ART3: variants seen among roughly 807,000 people sequenced by gnomAD.
ART3 encodes the protein ADP-ribosyltransferase 3 (inactive).
A neutral mutation model predicts 48.5 loss-of-function variants in ART3; 49 were observed. The observed-to-expected ratio is 1.01, with a 90% confidence interval of 0.80 to 1.28. The LOEUF is 1.28. ART3 is among the 50% of genes most tolerant of loss of function. The probability of loss-of-function intolerance (pLI) is 0.00; values close to 1 mark genes in which losing one functional copy is unlikely to be tolerated. For synonymous variants in ART3, 145 were observed against 157.2 expected (o/e 0.92, Z 0.58); for missense variants, 438 against 454.3 (o/e 0.96, Z 0.33).
intron 1 of ART3, among the ~76,000 whole-genome samples, chr4:76,013,434 T>TAC (rs749974415): frequency 5.8e-4 from 88 of 151,420 alleles, no homozygotes; most frequent in African/African-American, 1.2e-3. Flanking sequence ...GATTTATATA[T>TAC]ACACACACAC....
chr4:76,037,641 G>C (rs1188883752), intron 1 of ART3, among the ~76,000 whole-genome samples: 1 of 151,826 alleles, frequency 6.6e-6, no homozygotes, highest in African/African-American at 2.4e-5. Context: ...CCTTCCTTAA[G>C]TAATTTGAAA....
intron 2 of ART3, among the ~76,000 whole-genome samples, chr4:76,080,953 T>G (rs1722326002): frequency 6.6e-6 from 1 of 152,206 alleles, no homozygotes; most frequent in African/African-American, 2.4e-5. Context: ...CCACCCTGCT[T>G]CTTATGTTAT....
At chr4:76,071,740 A>G (rs1254193195), upstream of ART3, among the ~76,000 whole-genome samples, 1 of 152,108 alleles carries the variant, frequency 6.6e-6, no homozygotes, top group South Asian at 2.1e-4. Context: ...TTTTCCACAC[A>G]CGGTCTTCTC....
intron 6 of ART3, 137 bp from the exon 7 acceptor site, chr4:76,100,658 C>T: frequency 3.2e-6 from 3 of 933,914 alleles, no homozygotes; most frequent in Non-Finnish European, 4.9e-6. Context: ...ATTCTGGGGG[C>T]TTGCATTTTG....
At chr4:76,014,788 C>T (rs932366696) in intron 1 of ART3, among the ~76,000 whole-genome samples, 2 of 152,120 alleles carry the variant, frequency 1.3e-5, no homozygotes, top group South Asian at 4.1e-4. Flanking sequence ...GACAGAGAAT[C>T]TTGAAAGCAA....
upstream of ART3, among the ~76,000 whole-genome samples, chr4:76,070,318 A>G (rs1387633701): frequency 6.6e-6 from 1 of 152,260 alleles, no homozygotes; most frequent in Non-Finnish European, 1.5e-5. Flanking sequence ...GTAATGTATG[A>G]AAGTTTCAGT....
At chr4:76,054,894 T>C (rs78895754) in intron 1 of ART3, among the ~76,000 whole-genome samples, 7,757 of 152,330 alleles carry the variant, frequency 0.051, 240 homozygotes, top group South Asian at 0.14. Context: ...TGCTGAATGC[T>C]ATTTTCCTTG....
intron 8 of ART3, among the ~76,000 whole-genome samples, chr4:76,101,802 T>C (rs1727383713): frequency 6.6e-6 from 1 of 152,162 alleles, no homozygotes. Flanking sequence ...ACAGGAACAG[T>C]CTCATAAATT....
chr4:76,101,016 C>T lies in ART3; in HGVS notation c.934C>T (p.His312Tyr). 1 of 1,613,560 alleles carries T rather than the reference C, an allele frequency of 6.2e-7. No homozygotes were observed. The highest frequency in any genetic ancestry group is 1.3e-5 in the African/African-American group (1 of 74,962). ...TGAGAAAAACCAGAAGCTTGAAGAC[C>T]ATGGTAAGACATTTATGTAAATTCT... ...HGEKNQKLED[H>Y]GVKILEPTQI... Residue 312 changes from histidine to tyrosine, a missense_variant, in exon 8 of 12, where the codon CAT (histidine) becomes TAT (tyrosine). Physicochemically the swap from His to Tyr is moderately conservative, Grantham distance 83. This residue lies in a region of ART3 where 227 missense variants were observed against 229.6 expected (regional missense o/e 0.99). Coordinates refer to ENST00000355810, the MANE Select transcript of ART3 (RefSeq NM_001130016.3).
intron 3 of ART3, among the ~76,000 whole-genome samples, chr4:76,095,832 T>C (rs371946359): frequency 3.9e-5 from 6 of 152,312 alleles, no homozygotes; most frequent in African/African-American, 1.4e-4. Context: ...CATCTGTAGC[T>C]TTCTTATCCA....
At chr4:76,047,324 T>C (rs2149443538) in intron 1 of ART3, among the ~76,000 whole-genome samples, 1 of 152,076 alleles carries the variant, frequency 6.6e-6, no homozygotes, top group African/African-American at 2.4e-5. Context: ...CTGTTCCTCT[T>C]GGTCCCTATT....
intron 10 of ART3, 39 bp from the exon 11 acceptor site, chr4:76,107,722 T>C: frequency 7.7e-7 from 1 of 1,297,840 alleles, no homozygotes; most frequent in Middle Eastern, 1.9e-4. Context: ...GATAAACAGA[T>C]ATACAATATA....
chr4:76,034,257 A>AC (rs1373954938), intron 1 of ART3: 1 of 394,966 alleles, frequency 2.5e-6, no homozygotes, highest in Admixed American at 4.4e-5. Flanking sequence ...GGAATGTTTT[A>AC]CGACACATAG....
chr4:76,022,830 A>G, intron 1 of ART3: 1 of 1,604,512 alleles, frequency 6.2e-7, no homozygotes, highest in Non-Finnish European at 8.5e-7. Flanking sequence ...GTAGGAAAAG[A>G]GGAACAGCAG....
At chr4:76,060,747 A>G (rs185681556) in intron 1 of ART3, among the ~76,000 whole-genome samples, 6 of 152,354 alleles carry the variant, frequency 3.9e-5, no homozygotes, top group African/African-American at 1.2e-4. Context: ...GTATTTGATT[A>G]TGAGAGATTC....
chr4:76,070,267 A>G (rs1054961568), upstream of ART3, among the ~76,000 whole-genome samples: 4 of 152,152 alleles, frequency 2.6e-5, no homozygotes, highest in African/African-American at 9.7e-5. Flanking sequence ...AAAACTGCCA[A>G]ATTGTTTAAA....
Position 76,100,326 on chromosome 4 carries a change from A to G in ART3, c.877+6A>G. 1.2e-6 allele frequency: 2 copies of G among 1,612,500 alleles called. No individual in the cohort carries two copies. The highest frequency in any genetic ancestry group is 2.2e-5 in the South Asian group (2 of 91,048). ...CCAGAAGCTTGAAGACCATAGTAAG[A>G]CATTTTTATAAATTCTGGGGGCTTG... On this transcript the variant is annotated splice_donor_region_variant and intron_variant, in intron 6 of 11. Coordinates refer to ENST00000355810, the MANE Select transcript of ART3 (RefSeq NM_001130016.3).
Position 76,034,941 on chromosome 4 carries a change from C to T in ART3, c.-10+23621C>T, listed in dbSNP as rs529700610. 2.0e-4 allele frequency: 276 copies of T among 1,362,326 alleles called. 3 individuals carry two copies. The South Asian group carries it at 3.3e-3, about 16-fold the overall frequency. 84.4% of individuals were successfully genotyped at this position (1,362,326 alleles called of 1,614,324 possible). On this transcript the variant is annotated intron_variant, in intron 1 of 9. Transcript: ENST00000341029. ...GGACCCCTTAACAGAATATTTCACA[C>T]AGGATCATAGCAGAATCTTTCTGTA... is the stretch of plus-strand genomic sequence containing the variant.
chr4:76,103,829 C>CTTT (rs33952924), intron 8 of ART3, 108 bp from the exon 9 acceptor site: 286 of 775,978 alleles, frequency 3.7e-4, no homozygotes, highest in African/African-American at 1.8e-3. Context: ...TTCCCCCTGC[C>CTTT]TTTTTTTTTT....
Sources: gnomAD v4.1 joint callset for allele counts (sites outside exome capture counted in the v4.1 genomes callset) on GRCh38, gnomAD v4.1.1 for gene constraint, gnomAD v4.1.1 regional missense constraint, MANE v1.5 for transcripts, NCBI Gene and HGNC (gene_info 2026-07-23, HGNC 2026-07-21) for gene names.